Variants in PLEKHJ1 observed in about 807,000 individuals in gnomAD.
PLEKHJ1 encodes the protein pleckstrin homology domain containing J1.
A neutral mutation model predicts 21.7 loss-of-function variants in PLEKHJ1; 20 were observed. The ratio of observed to expected loss-of-function variants is 0.92; its 90% CI spans 0.65 to 1.34. The LOEUF is 1.34. Ranked by LOEUF, PLEKHJ1 falls within the 40% of genes most tolerant of loss-of-function variation. The probability of loss-of-function intolerance (pLI) is 0.00; values close to 1 mark genes in which losing one functional copy is unlikely to be tolerated. For missense variants in PLEKHJ1, 241 were observed against 202.0 expected (o/e 1.19, Z -1.17); for synonymous variants, 113 against 80.6 (o/e 1.40, Z -2.15).
Position 2,235,442 on chromosome 19 carries a change from A to T in PLEKHJ1, c.229+320T>A, listed in dbSNP as rs1409715205. 1.2e-5 allele frequency: 5 copies of T among 411,836 alleles called. No homozygotes were observed. In the East Asian group the frequency reaches 2.2e-4, roughly 18 times the overall value. 25.5% of individuals were successfully genotyped at this position (411,836 alleles called of 1,614,324 possible). On this transcript the variant is annotated intron_variant, in intron 3 of 5. Coordinates refer to ENST00000326631, the MANE Select transcript of PLEKHJ1 (RefSeq NM_018049.3). The stretch of plus-strand genomic sequence containing the variant: ...GGGGCCATATAACAATGCTAGACCC[A>T]TGCTACTCTTGGCAGCTGGGGAAAC...
downstream of PLEKHJ1, chr19:2,232,010 GCCTGTGTTCTT>G (rs1236168571): frequency 4.8e-6 from 1 of 208,470 alleles, no homozygotes; most frequent in Non-Finnish European, 9.8e-6. Context: ...TGAGCCCTGG[GCCTGTGTTCTT>G]CTCAGACACT....
At chr19:2,234,644 G>C in intron 3 of PLEKHJ1, 1 of 211,540 alleles carries the variant, frequency 4.7e-6, no homozygotes, top group Non-Finnish European at 9.6e-6. Flanking sequence ...AGGGGGTTGA[G>C]GCTGCAGTGA....
chr19:2,230,576 G>A (rs548054763), downstream of PLEKHJ1: 13 of 398,614 alleles, frequency 3.3e-5, no homozygotes, highest in Non-Finnish European at 4.9e-5. Context: ...CATGCCCTGC[G>A]ATGCGGGGCA....
downstream of PLEKHJ1, chr19:2,230,717 A>G (rs1246194154): frequency 5.0e-6 from 2 of 397,652 alleles, no homozygotes; most frequent in African/African-American, 4.1e-5. Flanking sequence ...AGATGGTATA[A>G]TGCACAGTGA....
chr19:2,234,508 C>G lies in PLEKHJ1; in HGVS notation c.230-268G>C, dbSNP rs1033541620. On this transcript the variant is annotated intron_variant, in intron 3 of 5. Coordinates refer to ENST00000326631, the MANE Select transcript of PLEKHJ1 (RefSeq NM_018049.3). ...GGAGGATTGCTTGAGCTCAGGAGTT[C>G]GAGACCAGCCTGGGTGACATGGCAA... 23 of 416,318 alleles carry G rather than the reference C, an allele frequency of 5.5e-5. No individual in the cohort carries two copies. In the East Asian group the frequency reaches 1.0e-3, roughly 19 times the overall value. The allele number at this position is 416,318 out of a possible 1,614,324, so 25.8% of individuals were successfully genotyped here. A position where few individuals can be genotyped will look rare whatever the true frequency, so the allele number is the denominator to read the frequency against.
At chr19:2,230,973 T>C (rs1040574060), downstream of PLEKHJ1, 11 of 248,280 alleles carry the variant, frequency 4.4e-5, no homozygotes, top group Middle Eastern at 2.2e-3. Flanking sequence ...TGCTGAAACC[T>C]GGCCTCTCTG....
rs762503828 is a variant in PLEKHJ1, at chr19:2,233,743, AAAAACC to A, written c.*91_*96del. 13 of 1,285,668 alleles carry A rather than the reference AAAAACC, an allele frequency of 1.0e-5. No homozygotes were observed. The highest frequency in any genetic ancestry group is 1.4e-5 in the Non-Finnish European group (13 of 932,944). The allele number at this position is 1,285,668 out of a possible 1,614,324, so 79.6% of individuals were successfully genotyped here. ...ACAGTGAAACCCTGACCCAAAAACC[AAAAACC>A]AAAACAAAACAGATCCAGGCATGGC... On this transcript the variant is annotated 3_prime_UTR_variant, in exon 6 of 6. Transcript: ENST00000326631.
At position 2,233,645 on chromosome 19, in the gene PLEKHJ1, A is replaced by C; in HGVS notation, c.*195T>G. 1.7e-6 allele frequency: 1 copy of C among 581,122 alleles called. No individual in the cohort carries two copies. Among genetic ancestry groups the C allele is most frequent in the East Asian group, 2.8e-5 (1 of 35,152 alleles). 36.0% of individuals were successfully genotyped at this position (581,122 alleles called of 1,614,324 possible). ...TCCCCGCTACTTGGGAAGCTGAGGC[A>C]GGAGGATCACTTGAGTCCAGAAGGT... is the stretch of plus-strand genomic sequence containing the variant. On this transcript the variant is annotated 3_prime_UTR_variant, in exon 6 of 6. Coordinates refer to ENST00000326631, the MANE Select transcript of PLEKHJ1 (RefSeq NM_018049.3).
chr19:2,230,330 G>A (rs2024545292), downstream of PLEKHJ1: 4 of 414,894 alleles, frequency 9.6e-6, no homozygotes, highest in Admixed American at 4.1e-5. Flanking sequence ...GCCTCCCCGC[G>A]GCCTGAGCCC....
At chr19:2,232,285 T>C (rs540929205), downstream of PLEKHJ1, 1 of 201,684 alleles carries the variant, frequency 5.0e-6, no homozygotes, top group African/African-American at 2.3e-5. Context: ...ACTTCCCCCT[T>C]AATTTATCTG....
At chr19:2,234,323 C>A in intron 3 of PLEKHJ1, 83 bp from the exon 4 acceptor site, 1 of 996,720 alleles carries the variant, frequency 1.0e-6, no homozygotes, top group Non-Finnish European at 1.5e-6. Context: ...TGTCCCTTCT[C>A]TGGCCCCCAC....
At chr19:2,231,981 T>C (rs2144978375), downstream of PLEKHJ1, 1 of 209,780 alleles carries the variant, frequency 4.8e-6, no homozygotes, top group East Asian at 7.1e-5. Flanking sequence ...GGTGGCTGCC[T>C]GCGGACACCC....
chr19:2,236,285 C>T lies in PLEKHJ1; in HGVS notation c.-37G>A. 2 of 1,280,932 alleles carry T rather than the reference C, an allele frequency of 1.6e-6. No individual in the cohort carries two copies. Among genetic ancestry groups the T allele is most frequent in the Non-Finnish European group, 2.0e-6 (2 of 994,812 alleles). The allele number at this position is 1,280,932 out of a possible 1,614,324, so 79.3% of individuals were successfully genotyped here. On this transcript the variant is annotated 5_prime_UTR_variant, in exon 1 of 6. Transcript: ENST00000326631. Reference sequence around the variant, plus strand: ...GAACGGGAACCCGGGCCGCGCCCTCCCGGCCGCCGTCCCCGCTCAGGCTGG... The same window carrying T: ...GAACGGGAACCCGGGCCGCGCCCTCTCGGCCGCCGTCCCCGCTCAGGCTGG...
At position 2,236,225 on chromosome 19, in the gene PLEKHJ1, C is replaced by G. The variant is rs1278518667; in HGVS notation, c.24G>C (p.Leu8=). ...CGGCCGGCTGCCGGGACAGAGCCTG[C>G]AGCTCCTTCTCGTTGTACCGCATGG... MRYNEKE[L]QALSRQPAEM... The change falls in exon 1 of 6, where the codon CTG becomes CTC. Residue 8 remains leucine (L), a synonymous_variant. Transcript: ENST00000326631. 6.8e-7 allele frequency: 1 copy of G among 1,463,054 alleles called. No individual in the cohort carries two copies. The highest frequency in any genetic ancestry group is 9.0e-7 in the Non-Finnish European group (1 of 1,111,882). 90.6% of individuals were successfully genotyped at this position (1,463,054 alleles called of 1,614,324 possible).
chr19:2,230,414 C>T (rs1316875420), downstream of PLEKHJ1: 4 of 400,318 alleles, frequency 1.0e-5, no homozygotes, highest in African/African-American at 2.1e-5. Flanking sequence ...AGACTGTTCA[C>T]CCTCCGGGGC....
At chr19:2,235,739 C>A in intron 3 of PLEKHJ1, 23 bp downstream of exon 3, 1 of 1,542,042 alleles carries the variant, frequency 6.5e-7, no homozygotes, top group Non-Finnish European at 8.8e-7. Flanking sequence ...GGAAGCGCCG[C>A]TGGCTTCCCT....
rs1033647633 is a variant in PLEKHJ1 at position 2,233,378 on chromosome 19, A to G, written c.*462T>C. The G allele has an allele frequency of 1.6e-5, 3 of 186,828 alleles. No homozygotes were observed. Among genetic ancestry groups the G allele is most frequent in the African/African-American group, 2.4e-5 (1 of 42,130 alleles). The allele number at this position is 186,828 out of a possible 1,614,324, so 11.6% of individuals were successfully genotyped here. A position where few individuals can be genotyped will look rare whatever the true frequency, so the allele number is the denominator to read the frequency against. ...GGGGGCTCACCAGGCCCCTGGATGC[A>G]CACAACTCAGGCAGGGCACCTGTGG... On this transcript the variant is annotated 3_prime_UTR_variant, in exon 6 of 6. Coordinates refer to ENST00000326631, the MANE Select transcript of PLEKHJ1 (RefSeq NM_018049.3).
At chr19:2,234,487 G>A (rs967431376) in intron 3 of PLEKHJ1, 50 of 467,854 alleles carry the variant, frequency 1.1e-4, no homozygotes, top group Non-Finnish European at 8.8e-5. Context: ...AAGGTGGGAG[G>A]ATTGCTTGAG....
intron 3 of PLEKHJ1, 76 bp from the exon 4 acceptor site, chr19:2,234,316 C>A: frequency 9.2e-7 from 1 of 1,092,320 alleles, no homozygotes; most frequent in Non-Finnish European, 1.4e-6. Flanking sequence ...CATAAACTGT[C>A]CCTTCTCTGG....
Sources: gnomAD v4.1 joint callset for allele counts on GRCh38, gnomAD v4.1.1 for gene constraint, MANE v1.5 for transcripts, NCBI Gene and HGNC (gene_info 2026-07-23, HGNC 2026-07-21) for gene names.